The following INSYN2B variants were observed in gnomAD, a reference collection of about 807,000 sequenced individuals.
The protein encoded by INSYN2B is inhibitory synaptic factor family member 2B, also known as protein INSYN2B.
Under a neutral mutation model 41.2 loss-of-function variants are expected in INSYN2B, and 16 were observed. The observed-to-expected ratio is 0.39, with a 90% CI of 0.26 to 0.59. INSYN2B has a LOEUF of 0.59. Ranked by LOEUF, INSYN2B falls within the 20% of genes least tolerant of loss-of-function variation. The pLI is 0.57. For missense variants in INSYN2B, 608 were observed against 646.4 expected, an observed-to-expected ratio of 0.94 and a Z score of 0.64; for synonymous variants, 245 against 244.4, an observed-to-expected ratio of 1.00 and a Z score of -0.02.
At chr5:169,895,768 A>G (rs1002435698) in intron 1 of INSYN2B, among the ~76,000 whole-genome samples, 24 of 152,204 alleles carry the variant, frequency 1.6e-4, no homozygotes, top group Non-Finnish European at 3.2e-4. Context: ...TGAATGACCT[A>G]GGACAAGTCA....
At chr5:169,881,563 G>A (rs1297189230) in intron 2 of INSYN2B, 121 bp from the exon 3 acceptor site, 25 of 714,390 alleles carry the variant, frequency 3.5e-5, no homozygotes, top group South Asian at 8.0e-5. Context: ...GAAGTTGCAC[G>A]GCCATTACAA....
chr5:169,930,239 C>T (rs1449979097), intron 1 of INSYN2B, among the ~76,000 whole-genome samples: 2 of 152,178 alleles, frequency 1.3e-5, no homozygotes, highest in Non-Finnish European at 2.9e-5. Context: ...ATCCGCCTGC[C>T]TCGGCCTCCC....
intron 1 of INSYN2B, among the ~76,000 whole-genome samples, chr5:169,975,805 G>A (rs908512627): frequency 5.9e-5 from 9 of 152,120 alleles, no homozygotes; most frequent in Non-Finnish European, 8.8e-5. Flanking sequence ...TCTTCCCAAC[G>A]GGGATGTGAG....
At chr5:169,946,714 C>T (rs1561843960) in intron 1 of INSYN2B, among the ~76,000 whole-genome samples, 2 of 152,154 alleles carry the variant, frequency 1.3e-5, no homozygotes, top group Non-Finnish European at 2.9e-5. Context: ...AATAAACAAA[C>T]CTAATAGAAA....
At chr5:169,921,602 T>G (rs1356751418) in intron 1 of INSYN2B, among the ~76,000 whole-genome samples, 1 of 152,248 alleles carries the variant, frequency 6.6e-6, no homozygotes, top group Non-Finnish European at 1.5e-5. Flanking sequence ...TAAAGATGTC[T>G]GTTTAACTTT....
chr5:169,914,681 C>T (rs114278458), intron 1 of INSYN2B, among the ~76,000 whole-genome samples: 2,254 of 152,246 alleles, frequency 0.015, 53 homozygotes, highest in African/African-American at 0.051. Flanking sequence ...GTAACCTGGG[C>T]CCACATCCCC....
intron 1 of INSYN2B, among the ~76,000 whole-genome samples, chr5:169,908,842 G>A (rs1774440460): frequency 1.3e-5 from 2 of 151,382 alleles, no homozygotes; most frequent in African/African-American, 2.4e-5. Flanking sequence ...AGCCTCCTGA[G>A]TAACTGGGAC....
At chr5:169,874,663 G>T (rs896844663) in intron 3 of INSYN2B, among the ~76,000 whole-genome samples, 1 of 152,198 alleles carries the variant, frequency 6.6e-6, no homozygotes, top group South Asian at 2.1e-4. Context: ...CTTAGCGTTT[G>T]GTCCCTTGGC....
intron 3 of INSYN2B, among the ~76,000 whole-genome samples, chr5:169,873,449 C>T (rs1772113725): frequency 1.3e-5 from 2 of 152,166 alleles, no homozygotes. Context: ...TGGCTCAGTC[C>T]ATATTGGAAT....
At chr5:169,948,554 C>A (rs189919180) in intron 1 of INSYN2B, among the ~76,000 whole-genome samples, 18 of 151,968 alleles carry the variant, frequency 1.2e-4, no homozygotes, top group Admixed American at 1.2e-3. Flanking sequence ...TTTCATAGAT[C>A]TCTCTTTATC....
At chr5:169,972,658 T>TCTGAG (rs1194916721) in intron 1 of INSYN2B, among the ~76,000 whole-genome samples, 1 of 151,120 alleles carries the variant, frequency 6.6e-6, no homozygotes, top group Non-Finnish European at 1.5e-5. Context: ...CCCCTGTTAG[T>TCTGAG]CTGAGACCTT....
intron 1 of INSYN2B, among the ~76,000 whole-genome samples, chr5:169,909,160 A>G (rs17670333): frequency 0.03 from 4,550 of 152,240 alleles, 120 homozygotes; most frequent in East Asian, 0.1. Context: ...TTCTTTATCT[A>G]TCAGGGCTCA....
chr5:169,966,435 A>C (rs1324296536), intron 1 of INSYN2B, among the ~76,000 whole-genome samples: 1 of 152,180 alleles, frequency 6.6e-6, no homozygotes, highest in Non-Finnish European at 1.5e-5. Context: ...TTTATTGAGC[A>C]CTTATTCTGT....
chr5:169,923,544 A>G (rs1458499887), intron 1 of INSYN2B, among the ~76,000 whole-genome samples: 1 of 152,098 alleles, frequency 6.6e-6, no homozygotes, highest in Non-Finnish European at 1.5e-5. Flanking sequence ...CCAGAAATTT[A>G]TCTGTAGGCC....
intron 3 of INSYN2B, among the ~76,000 whole-genome samples, chr5:169,866,414 C>A (rs1581316922): frequency 6.6e-6 from 1 of 152,238 alleles, no homozygotes; most frequent in Non-Finnish European, 1.5e-5. Context: ...GTGTCCTCAT[C>A]TGCAAAATGA....
intron 1 of INSYN2B, among the ~76,000 whole-genome samples, chr5:169,972,388 C>T (rs565743715): frequency 6.6e-6 from 1 of 152,264 alleles, no homozygotes; most frequent in South Asian, 2.1e-4. Context: ...TTTGTGGGGG[C>T]TATCCTATGT....
chr5:169,887,889 C>G (rs1167915459), intron 1 of INSYN2B, among the ~76,000 whole-genome samples: 2 of 152,180 alleles, frequency 1.3e-5, no homozygotes, highest in African/African-American at 4.8e-5. Context: ...CTCTTTGTTA[C>G]TGTGCCTGGT....
At chr5:169,907,352 A>G (rs1431434349) in intron 1 of INSYN2B, among the ~76,000 whole-genome samples, 1 of 152,174 alleles carries the variant, frequency 6.6e-6, no homozygotes, top group African/African-American at 2.4e-5. Flanking sequence ...TCTAGAAGGG[A>G]GCTCTTGGAA....
At chr5:169,871,341 G>A (rs563626387) in intron 3 of INSYN2B, among the ~76,000 whole-genome samples, 2 of 152,240 alleles carry the variant, frequency 1.3e-5, no homozygotes, top group South Asian at 2.1e-4. Context: ...GAGTACCTGG[G>A]CCACATTAGA....
Sources: allele counts gnomAD v4.1 joint callset (sites outside exome capture counted in the v4.1 genomes callset), GRCh38; gene constraint gnomAD v4.1.1; transcripts MANE v1.5; gene names NCBI Gene and HGNC (gene_info 2026-07-23, HGNC 2026-07-21).